Variants in DENND1B observed in about 807,000 individuals in gnomAD.
DENND1B encodes the protein DENN domain containing 1B, also known as DENN domain-containing protein 1B.
In DENND1B, 59 loss-of-function variants were observed where a neutral mutation model predicts 90.1. The ratio of observed to expected loss-of-function variants is 0.65; its 90% CI spans 0.53 to 0.81. DENND1B has a LOEUF of 0.81. Among genes scored for constraint, DENND1B ranks in the 40% least tolerant of loss-of-function variants. The pLI, the probability that DENND1B is intolerant of heterozygous loss-of-function variation, is 0.00. For synonymous variants in DENND1B, 337 were observed against 324.6 expected (o/e 1.04, Z -0.41); for missense variants, 862 against 912.6 (o/e 0.94, Z 0.71).
chr1:197,561,537 C>T (rs1260301410), intron 15 of DENND1B, among the ~76,000 whole-genome samples: 1 of 151,814 alleles, frequency 6.6e-6, no homozygotes, highest in Non-Finnish European at 1.5e-5. Flanking sequence ...ATGCTGATGG[C>T]TTTAAATTCT....
intron 15 of DENND1B, among the ~76,000 whole-genome samples, chr1:197,563,614 GT>G (rs554582152): frequency 3.7e-4 from 57 of 152,056 alleles, no homozygotes; most frequent in African/African-American, 1.3e-3. Flanking sequence ...GGAGATTAAT[GT>G]TGTTTTCATG....
intron 2 of DENND1B, among the ~76,000 whole-genome samples, chr1:197,725,444 ATTC>A (rs1036234194): frequency 2.0e-4 from 30 of 152,136 alleles, no homozygotes; most frequent in Non-Finnish European, 7.4e-5. Context: ...TAACAGAAAA[ATTC>A]TTTTTTATAA....
At chr1:197,746,807 G>A in intron 2 of DENND1B, 15 of 1,604,512 alleles carry the variant, frequency 9.3e-6, no homozygotes, top group Non-Finnish European at 1.3e-5. Flanking sequence ...AAACCCCCAT[G>A]CAAGTTTCTT....
chr1:197,772,771 G>T, intron 2 of DENND1B, 97 bp downstream of exon 2: 2 of 1,051,736 alleles, frequency 1.9e-6, no homozygotes, highest in Non-Finnish European at 2.8e-6. Context: ...GTTGTGGTGA[G>T]CCCTGATCAT....
chr1:197,617,797 C>T, intron 10 of DENND1B, 38 bp from the exon 11 acceptor site: 3 of 1,455,462 alleles, frequency 2.1e-6, no homozygotes, highest in South Asian at 1.1e-5. Context: ...TAAGTAGCTG[C>T]TGACCTTCCA....
intron 2 of DENND1B, among the ~76,000 whole-genome samples, chr1:197,715,723 T>C (rs78548137): frequency 3.5e-4 from 53 of 151,984 alleles, no homozygotes; most frequent in African/African-American, 1.3e-3. Context: ...TATAAATCAA[T>C]ATTGTTTATA....
Position 197,508,007 on chromosome 1 carries a change from G to A in DENND1B, c.*2453C>T, listed in dbSNP as rs1233149217. 3 of 151,434 alleles carry A rather than the reference G, an allele frequency of 2.0e-5. No homozygotes were observed. Among genetic ancestry groups the A allele is most frequent in the Non-Finnish European group, 3.0e-5 (2 of 67,684 alleles). 9.4% of individuals were successfully genotyped at this position (151,434 alleles called of 1,614,324 possible). On this transcript the variant is annotated 3_prime_UTR_variant, in exon 23 of 23. Coordinates refer to ENST00000620048, the MANE Select transcript of DENND1B (RefSeq NM_001195215.2). ...TAAATACCTTGAGACAATTATTTAT[G>A]AGTGGCTAAATATCCTCAAAGCAAC...
chr1:197,563,003 AT>A (rs1408161050), intron 15 of DENND1B, among the ~76,000 whole-genome samples: 1 of 151,932 alleles, frequency 6.6e-6, no homozygotes, highest in African/African-American at 2.4e-5. Context: ...CTTCAATTAT[AT>A]GAAGGGTGAG....
intron 20 of DENND1B, among the ~76,000 whole-genome samples, chr1:197,539,514 T>A (rs1182158276): frequency 6.6e-6 from 1 of 152,190 alleles, no homozygotes; most frequent in Non-Finnish European, 1.5e-5. Flanking sequence ...AAAGAAGCTT[T>A]AACTATTTAT....
intron 5 of DENND1B, among the ~76,000 whole-genome samples, chr1:197,664,422 G>C (rs1654736198): frequency 6.6e-6 from 1 of 152,010 alleles, no homozygotes; most frequent in African/African-American, 2.4e-5. Context: ...ACAAAGTACA[G>C]GAGATTAGTT....
intron 3 of DENND1B, among the ~76,000 whole-genome samples, chr1:197,685,280 T>C (rs1243396317): frequency 2.0e-5 from 3 of 152,184 alleles, no homozygotes; most frequent in Non-Finnish European, 4.4e-5. Context: ...CTATTTCATC[T>C]TAAGCTCAGG....
At chr1:197,526,962 T>A (rs544104221) in intron 20 of DENND1B, among the ~76,000 whole-genome samples, 1 of 152,302 alleles carries the variant, frequency 6.6e-6, no homozygotes, top group South Asian at 2.1e-4. Flanking sequence ...TAATGTCCAC[T>A]AGAGGGCACC....
At chr1:197,637,505 T>TA (rs966041996) in intron 10 of DENND1B, among the ~76,000 whole-genome samples, 62 of 152,288 alleles carry the variant, frequency 4.1e-4, no homozygotes, top group African/African-American at 1.4e-3. Context: ...AGTTGGAAGA[T>TA]AAAAACACCT....
At chr1:197,530,683 G>C (rs1024833309) in intron 20 of DENND1B, among the ~76,000 whole-genome samples, 28 of 152,110 alleles carry the variant, frequency 1.8e-4, no homozygotes, top group African/African-American at 6.5e-4. Flanking sequence ...CACTGCTACA[G>C]AGACCTGGAG....
At chr1:197,550,935 T>G (rs181444012) in intron 16 of DENND1B, among the ~76,000 whole-genome samples, 1 of 152,054 alleles carries the variant, frequency 6.6e-6, no homozygotes, top group South Asian at 2.1e-4. Context: ...TATATTACTA[T>G]TATTATGAGA....
intron 15 of DENND1B, among the ~76,000 whole-genome samples, chr1:197,576,027 C>T (rs999908912): frequency 7.3e-5 from 11 of 151,720 alleles, no homozygotes; most frequent in African/African-American, 1.9e-4. Flanking sequence ...ACATGTATAC[C>T]TATGTAACAA....
intron 9 of DENND1B, 145 bp from the exon 10 acceptor site, chr1:197,642,966 A>G (rs1157737939): frequency 1.8e-6 from 1 of 559,634 alleles, no homozygotes; most frequent in Admixed American, 3.3e-5. Context: ...GTGTAATACT[A>G]GTCGGCTGCC....
At chr1:197,518,762 A>G in intron 20 of DENND1B, among the ~76,000 whole-genome samples, 1 of 151,924 alleles carries the variant, frequency 6.6e-6, no homozygotes, top group Admixed American at 6.6e-5. Context: ...CCCAACATAA[A>G]TAGGCCAAAT....
intron 3 of DENND1B, among the ~76,000 whole-genome samples, chr1:197,688,180 AAAT>A (rs1387334938): frequency 6.6e-6 from 1 of 152,144 alleles, no homozygotes; most frequent in African/African-American, 2.4e-5. Flanking sequence ...AGACACAAAT[AAAT>A]AAAAAGACAT....
Sources: allele counts gnomAD v4.1 joint callset (sites outside exome capture counted in the v4.1 genomes callset), GRCh38; gene constraint gnomAD v4.1.1; transcripts MANE v1.5; gene names NCBI Gene and HGNC (gene_info 2026-07-23, HGNC 2026-07-21).